The following LRP1B variants were observed in gnomAD, a reference collection of about 807,000 sequenced individuals.
The protein encoded by LRP1B is LDL receptor related protein 1B.
A neutral mutation model predicts 556.6 loss-of-function variants in LRP1B; 217 were observed. That is an observed-to-expected ratio of 0.39 (90% CI 0.35 to 0.44). The LOEUF is 0.44. Among genes scored for constraint, LRP1B ranks in the 20% least tolerant of loss-of-function variants. The pLI is 1.00. For synonymous variants in LRP1B, 2,047 were observed against 1,865.8 expected (o/e 1.10, Z -2.50); for missense variants, 5,053 against 5,620.8 (o/e 0.90, Z 3.23).
chr2:141,218,446 A>G (rs1380980002), intron 6 of LRP1B, among the ~76,000 whole-genome samples: 1 of 152,158 alleles, frequency 6.6e-6, no homozygotes, highest in South Asian at 2.1e-4. Flanking sequence ...ATAGAACACT[A>G]TGTAGCCATA....
At chr2:140,955,016 A>G (rs1013052814) in intron 18 of LRP1B, among the ~76,000 whole-genome samples, 1 of 151,928 alleles carries the variant, frequency 6.6e-6, no homozygotes, top group Admixed American at 6.6e-5. Context: ...GACTGAGTAA[A>G]TCACTCAGCT....
chr2:141,597,477 T>A (rs1687566476), intron 2 of LRP1B, among the ~76,000 whole-genome samples: 1 of 152,094 alleles, frequency 6.6e-6, no homozygotes, highest in Admixed American at 6.6e-5. Context: ...CACCTTCACA[T>A]CCTAATGGTC....
intron 3 of LRP1B, among the ~76,000 whole-genome samples, chr2:141,342,149 C>A (rs1158674139): frequency 6.6e-6 from 1 of 150,376 alleles, no homozygotes; most frequent in Non-Finnish European, 1.5e-5. Flanking sequence ...GAGGCTGAGG[C>A]AGGAGAATGG....
intron 3 of LRP1B, among the ~76,000 whole-genome samples, chr2:141,439,129 G>C (rs1208724626): frequency 6.6e-6 from 1 of 152,068 alleles, no homozygotes; most frequent in African/African-American, 2.4e-5. Flanking sequence ...AAAATGTTAA[G>C]ATTTCTAATT....
At chr2:141,464,266 A>C (rs1007606542) in intron 3 of LRP1B, among the ~76,000 whole-genome samples, 1 of 152,064 alleles carries the variant, frequency 6.6e-6, no homozygotes, top group Non-Finnish European at 1.5e-5. Context: ...ATTTGGTACA[A>C]TCTCTAACAT....
At chr2:140,244,620 A>T (rs906229946) in intron 87 of LRP1B, among the ~76,000 whole-genome samples, 1 of 151,296 alleles carries the variant, frequency 6.6e-6, no homozygotes, top group Non-Finnish European at 1.5e-5. Flanking sequence ...CCTAGATAAT[A>T]GATCTGCCTA....
At chr2:142,081,446 C>A (rs1460078450) in intron 1 of LRP1B, among the ~76,000 whole-genome samples, 1 of 151,842 alleles carries the variant, frequency 6.6e-6, no homozygotes, top group East Asian at 1.9e-4. Flanking sequence ...TAGCACACTT[C>A]GAGAATCAAT....
intron 82 of LRP1B, among the ~76,000 whole-genome samples, chr2:140,320,647 C>T (rs913510879): frequency 3.3e-5 from 5 of 151,750 alleles, no homozygotes; most frequent in African/African-American, 7.3e-5. Context: ...AGGCAGGTCT[C>T]GAACCCCTGG....
At chr2:141,057,055 A>G (rs559062843) in intron 9 of LRP1B, among the ~76,000 whole-genome samples, 40 of 151,714 alleles carry the variant, frequency 2.6e-4, no homozygotes, top group Non-Finnish European at 4.9e-4. Context: ...GAATTTCACT[A>G]CTTCTTACCA....
chr2:141,125,279 C>A (rs534015346), intron 7 of LRP1B, among the ~76,000 whole-genome samples: 1 of 152,120 alleles, frequency 6.6e-6, no homozygotes, highest in African/African-American at 2.4e-5. Context: ...AGGTTGCTAG[C>A]GACATCTGTT....
At chr2:140,795,401 A>G (rs1468944066) in intron 32 of LRP1B, among the ~76,000 whole-genome samples, 3 of 152,180 alleles carry the variant, frequency 2.0e-5, no homozygotes, top group African/African-American at 7.2e-5. Context: ...GTATTTTTAA[A>G]ATGTGCACAT....
intron 1 of LRP1B, among the ~76,000 whole-genome samples, chr2:141,957,736 G>T (rs1301424253): frequency 6.6e-6 from 1 of 151,932 alleles, no homozygotes; most frequent in Non-Finnish European, 1.5e-5. Context: ...TGATTTGTAG[G>T]AGGAGGATAT....
At chr2:141,077,761 G>C (rs1226828578) in intron 7 of LRP1B, among the ~76,000 whole-genome samples, 4 of 152,138 alleles carry the variant, frequency 2.6e-5, no homozygotes, top group East Asian at 3.9e-4. Context: ...AATCTAACTA[G>C]CCAGACTCAC....
intron 47 of LRP1B, among the ~76,000 whole-genome samples, chr2:140,531,020 C>A (rs983291993): frequency 1.3e-5 from 2 of 152,036 alleles, no homozygotes; most frequent in Admixed American, 1.3e-4. Flanking sequence ...TTCAACCAGC[C>A]ACATAAGAAT....
intron 2 of LRP1B, among the ~76,000 whole-genome samples, chr2:141,623,319 T>C (rs1235181782): frequency 2.0e-5 from 3 of 152,222 alleles, no homozygotes; most frequent in Non-Finnish European, 4.4e-5. Context: ...ATGAATCAGT[T>C]GTAAAGATGG....
At chr2:140,884,911 G>A (rs1234138933) in intron 24 of LRP1B, among the ~76,000 whole-genome samples, 1 of 152,002 alleles carries the variant, frequency 6.6e-6, no homozygotes, top group Non-Finnish European at 1.5e-5. Context: ...ATGGGGTTTT[G>A]CCATGTTGTC....
intron 25 of LRP1B, among the ~76,000 whole-genome samples, chr2:140,869,371 G>A (rs527552019): frequency 1.3e-5 from 2 of 152,064 alleles, no homozygotes; most frequent in African/African-American, 4.8e-5. Context: ...GCGGCAGGAG[G>A]AAAAGAGCTG....
At chr2:140,466,758 T>C (rs1211287758) in intron 60 of LRP1B, among the ~76,000 whole-genome samples, 1 of 152,200 alleles carries the variant, frequency 6.6e-6, no homozygotes, top group Non-Finnish European at 1.5e-5. Flanking sequence ...AAAAACAATT[T>C]ATTGGAACAA....
chr2:140,751,117 C>A (rs416549), intron 35 of LRP1B, among the ~76,000 whole-genome samples: 1 of 147,668 alleles, frequency 6.8e-6, no homozygotes, highest in African/African-American at 2.5e-5. Flanking sequence ...CTCAGCCTCC[C>A]GAGTAGCTGG....
Sources: gnomAD v4.1 joint callset for allele counts (sites outside exome capture counted in the v4.1 genomes callset) on GRCh38, gnomAD v4.1.1 for gene constraint, MANE v1.5 for transcripts, NCBI Gene and HGNC (gene_info 2026-07-23, HGNC 2026-07-21) for gene names.